Variants in HDAC9 observed in about 807,000 individuals in gnomAD.
HDAC9 encodes histone deacetylase 9.
Under a neutral mutation model 139.4 loss-of-function variants are expected in HDAC9, and 41 were observed. The observed-to-expected ratio is 0.29, with a 90% CI of 0.23 to 0.38. HDAC9 has a LOEUF of 0.38. Among genes scored for constraint, HDAC9 ranks in the 10% least tolerant of loss-of-function variants. The pLI is 1.00. For missense variants in HDAC9, 1,147 were observed against 1,297.0 expected (o/e 0.88, Z 1.78); for synonymous variants, 517 against 476.2 (o/e 1.09, Z -1.12).
chr7:18,200,111 A>G (rs1791011797), intron 2 of HDAC9, among the ~76,000 whole-genome samples: 1 of 152,224 alleles, frequency 6.6e-6, no homozygotes, highest in South Asian at 2.1e-4. Flanking sequence ...ATGTAATGCA[A>G]TTGAACAAGA....
At chr7:18,295,756 C>T (rs1415729657) in intron 1 of HDAC9, among the ~76,000 whole-genome samples, 1 of 152,102 alleles carries the variant, frequency 6.6e-6, no homozygotes, top group Non-Finnish European at 1.5e-5. Flanking sequence ...CAGTTTGGTA[C>T]CCCAGAGCAC....
intron 1 of HDAC9, among the ~76,000 whole-genome samples, chr7:18,130,438 C>T (rs1784930207): frequency 6.6e-6 from 1 of 152,048 alleles, no homozygotes; most frequent in Non-Finnish European, 1.5e-5. Context: ...TAAATTACTC[C>T]GTTGTAGTTG....
intron 1 of HDAC9, among the ~76,000 whole-genome samples, chr7:18,315,231 A>G (rs1799560442): frequency 6.6e-6 from 1 of 152,212 alleles, no homozygotes; most frequent in Non-Finnish European, 1.5e-5. Context: ...ATTAATATTT[A>G]TTGAGCACTT....
chr7:18,840,814 C>G (rs1269541668), intron 21 of HDAC9, among the ~76,000 whole-genome samples: 1 of 152,020 alleles, frequency 6.6e-6, no homozygotes, highest in Non-Finnish European at 1.5e-5. Context: ...GTCCAGATAT[C>G]CTGTCTATTC....
At chr7:18,806,426 C>T (rs1793715274) in intron 17 of HDAC9, among the ~76,000 whole-genome samples, 1 of 152,152 alleles carries the variant, frequency 6.6e-6, no homozygotes, top group Admixed American at 6.5e-5. Flanking sequence ...TAGCTGTCAG[C>T]TGCAGGCTGC....
At chr7:18,498,997 A>G (rs1467914582) in intron 2 of HDAC9, among the ~76,000 whole-genome samples, 2 of 151,992 alleles carry the variant, frequency 1.3e-5, no homozygotes, top group African/African-American at 4.8e-5. Context: ...TTATAAATCA[A>G]CTATTTATTT....
At chr7:18,389,564 G>A (rs1786263118) in intron 1 of HDAC9, among the ~76,000 whole-genome samples, 1 of 152,166 alleles carries the variant, frequency 6.6e-6, no homozygotes, top group Non-Finnish European at 1.5e-5. Flanking sequence ...TGGAGACAAG[G>A]TTGTCACTTT....
intron 22 of HDAC9, among the ~76,000 whole-genome samples, chr7:18,919,504 T>A (rs1381328446): frequency 6.6e-6 from 1 of 152,032 alleles, no homozygotes; most frequent in African/African-American, 2.4e-5. Context: ...AGTATTAGTA[T>A]TTAAATGTTG....
chr7:18,473,655 G>A (rs1467354860), intron 1 of HDAC9, among the ~76,000 whole-genome samples: 2 of 152,182 alleles, frequency 1.3e-5, no homozygotes, highest in Non-Finnish European at 2.9e-5. Context: ...GTGGTCTTTA[G>A]CAACCCTGAG....
chr7:18,265,978 A>G (rs1464178112), intron 2 of HDAC9, among the ~76,000 whole-genome samples: 2 of 152,216 alleles, frequency 1.3e-5, no homozygotes, highest in Non-Finnish European at 2.9e-5. Context: ...GTCGCAATGT[A>G]GAAGCTGACA....
intron 1 of HDAC9, among the ~76,000 whole-genome samples, chr7:18,347,171 C>T (rs555862820): frequency 3.7e-4 from 56 of 152,190 alleles, no homozygotes; most frequent in Non-Finnish European, 6.8e-4. Flanking sequence ...TCCTAGTTAC[C>T]AGCACTGCAA....
intron 1 of HDAC9, among the ~76,000 whole-genome samples, chr7:18,371,458 T>G (rs558425094): frequency 1.3e-5 from 2 of 152,198 alleles, no homozygotes; most frequent in Non-Finnish European, 2.9e-5. Flanking sequence ...GTGTGTATAT[T>G]TTATCTCACT....
At chr7:18,199,021 C>T (rs1007156350) in intron 2 of HDAC9, among the ~76,000 whole-genome samples, 1 of 152,112 alleles carries the variant, frequency 6.6e-6, no homozygotes, top group African/African-American at 2.4e-5. Flanking sequence ...GTAAAATTTC[C>T]ATCAGGAAAC....
chr7:18,523,138 A>G (rs1174647076), intron 2 of HDAC9, among the ~76,000 whole-genome samples: 2 of 152,226 alleles, frequency 1.3e-5, no homozygotes, highest in Non-Finnish European at 2.9e-5. Context: ...GCTGGAGATG[A>G]CACTGCAAAC....
At chr7:18,189,802 A>T (rs562528959) in intron 2 of HDAC9, among the ~76,000 whole-genome samples, 1 of 152,350 alleles carries the variant, frequency 6.6e-6, no homozygotes, top group African/African-American at 2.4e-5. Context: ...AAGACACATT[A>T]ATTAAATTGA....
At chr7:18,215,792 A>G (rs1052838876) in intron 2 of HDAC9, among the ~76,000 whole-genome samples, 3 of 152,182 alleles carry the variant, frequency 2.0e-5, no homozygotes, top group African/African-American at 7.2e-5. Flanking sequence ...AGAAAAGATA[A>G]GCATTGGGCT....
intron 2 of HDAC9, among the ~76,000 whole-genome samples, chr7:18,183,942 A>G (rs1178335): frequency 3.4e-4 from 52 of 152,354 alleles, no homozygotes; most frequent in African/African-American, 1.2e-3. Context: ...AAAAGTCACT[A>G]TTAAATAATC....
intron 12 of HDAC9, among the ~76,000 whole-genome samples, chr7:18,696,817 A>G (rs1264250075): frequency 6.6e-6 from 1 of 152,024 alleles, no homozygotes; most frequent in Non-Finnish European, 1.5e-5. Flanking sequence ...GTACAATTAC[A>G]GGTGAGATTC....
chr7:18,840,457 T>G (rs1796514010), intron 21 of HDAC9, among the ~76,000 whole-genome samples: 1 of 152,018 alleles, frequency 6.6e-6, no homozygotes, highest in African/African-American at 2.4e-5. Context: ...AAGGGGACTT[T>G]GAGAGAGTTG....
Sources: gnomAD v4.1 joint callset for allele counts (sites outside exome capture counted in the v4.1 genomes callset) on GRCh38, gnomAD v4.1.1 for gene constraint, MANE v1.5 for transcripts, NCBI Gene and HGNC (gene_info 2026-07-23, HGNC 2026-07-21) for gene names.